Variants in PAQR5 observed in about 807,000 individuals in gnomAD.
PAQR5 encodes progestin and adipoQ receptor family member 5, also known as membrane progestin receptor gamma.
Under a neutral mutation model 34.5 loss-of-function variants are expected in PAQR5, and 20 were observed. That is an observed-to-expected ratio of 0.58 (90% confidence interval 0.41 to 0.84). The LOEUF is 0.84. PAQR5 is among the 40% of genes least tolerant of loss of function. The pLI, the probability that PAQR5 is intolerant of heterozygous loss-of-function variation, is 0.00. For missense variants in PAQR5, 378 were observed against 412.7 expected, an observed-to-expected ratio of 0.92 and a Z score of 0.73; for synonymous variants, 131 against 155.6, an observed-to-expected ratio of 0.84 and a Z score of 1.18.
intron 3 of PAQR5, among the ~76,000 whole-genome samples, chr15:69,364,552 AT>A (rs1159980243): frequency 6.7e-6 from 1 of 148,416 alleles, no homozygotes; most frequent in African/African-American, 2.5e-5. Flanking sequence ...TGTTATATAT[AT>A]ATAACGAGTT....
chr15:69,402,794 G>A (rs2056674820), intron 8 of PAQR5, among the ~76,000 whole-genome samples: 1 of 152,206 alleles, frequency 6.6e-6, no homozygotes, highest in Non-Finnish European at 1.5e-5. Context: ...ACATGTGGTC[G>A]CCTCCTTACT....
chr15:69,335,991 G>C lies in PAQR5; in HGVS notation c.-276-1350G>C, dbSNP rs1595867965. Among the ~76,000 whole-genome samples the C allele has an allele frequency of 2.6e-5, 4 of 152,286 alleles. No homozygotes were observed. In the South Asian group the frequency reaches 8.3e-4, roughly 32 times the overall value. On this transcript the variant is annotated intron_variant, in intron 1 of 8. Coordinates refer to ENST00000395407, the MANE Select transcript of PAQR5 (RefSeq NM_017705.4). ...TTTTTATGTAATGTTAAAAGATAATGAAAGTGGTTTTGTTTTCTCCTTTGG... is the reference window on the plus strand; with the variant it reads ...TTTTTATGTAATGTTAAAAGATAATCAAAGTGGTTTTGTTTTCTCCTTTGG...
chr15:69,357,112 A>C (rs905245312), intron 2 of PAQR5, among the ~76,000 whole-genome samples: 4 of 150,888 alleles, frequency 2.7e-5, no homozygotes, highest in African/African-American at 7.3e-5. Context: ...CTTGCCAGCT[A>C]CTCCTTCGCC....
At chr15:69,315,569 C>T (rs2053927362) in intron 1 of PAQR5, among the ~76,000 whole-genome samples, 1 of 152,184 alleles carries the variant, frequency 6.6e-6, no homozygotes, top group Non-Finnish European at 1.5e-5. Context: ...CTTACCACAG[C>T]CAGCCCTGGG....
At chr15:69,350,235 G>A (rs73440954) in intron 2 of PAQR5, among the ~76,000 whole-genome samples, 12,130 of 152,242 alleles carry the variant, frequency 0.08, 1,144 homozygotes, top group African/African-American at 0.22. Flanking sequence ...CGTCTGTCTC[G>A]TGCAGATCTA....
In PAQR5 at chr15:69,322,778, AGAAGAAGACGAG is replaced by A. The variant is rs1167962601; in HGVS notation, c.-276-14554_-276-14543del. On this transcript the variant is annotated intron_variant, in intron 1 of 8. Coordinates refer to ENST00000395407, the MANE Select transcript of PAQR5 (RefSeq NM_017705.4). ...AAGAAGAAGAAGAAGAAGAGGGAGA[AGAAGAAGACGAG>A]GAAGAAGAAGAAGAGGAAGAGGAAG... Among the ~76,000 whole-genome samples the A allele has an allele frequency of 6.5e-5, 6 of 92,440 alleles. 2 individuals are homozygous for A. The highest frequency in any genetic ancestry group is 1.7e-4 in the African/African-American group (4 of 23,134). The allele number at this position is 92,440 out of a possible 152,430, so 60.6% of individuals were successfully genotyped here.
At chr15:69,310,631 G>A (rs1042749667) in intron 1 of PAQR5, among the ~76,000 whole-genome samples, 3 of 152,154 alleles carry the variant, frequency 2.0e-5, no homozygotes, top group Admixed American at 2.0e-4. Flanking sequence ...GAATCTTGAA[G>A]TATTGGAGAA....
At position 69,343,203 on chromosome 15, in the gene PAQR5, G is replaced by A. The variant is rs571759627; in HGVS notation, c.-116+5702G>A. ...TCTTTGCCTTTGTTTTGCATTACCC[G>A]ACTATGAGTTGAGTATTTTGTTTTC... On this transcript the variant is annotated intron_variant, in intron 2 of 8. Coordinates refer to ENST00000395407, the MANE Select transcript of PAQR5 (RefSeq NM_017705.4). Among the ~76,000 whole-genome samples the A allele has an allele frequency of 4.8e-4, 73 of 152,308 alleles. No homozygotes were observed. The South Asian group carries it at 0.012, about 25-fold the overall frequency.
intron 2 of PAQR5, among the ~76,000 whole-genome samples, chr15:69,345,251 A>G (rs2054739654): frequency 2.6e-5 from 4 of 152,226 alleles, no homozygotes. Context: ...GCCTAACTAC[A>G]TTAGTGAATT....
intron 1 of PAQR5, among the ~76,000 whole-genome samples, chr15:69,332,782 A>G (rs1399661592): frequency 4.7e-5 from 1 of 21,494 alleles, no homozygotes; most frequent in Non-Finnish European, 1.8e-4. Flanking sequence ...AATCTTGTAA[A>G]AAAAAAAAAA....
chr15:69,304,162 C>T (rs933173774), intron 1 of PAQR5, among the ~76,000 whole-genome samples: 1 of 152,184 alleles, frequency 6.6e-6, no homozygotes, highest in Non-Finnish European at 1.5e-5. Context: ...CCTACCCCCC[C>T]ATCCTTGTCC....
At chr15:69,394,349 G>C (rs940209674) in intron 6 of PAQR5, among the ~76,000 whole-genome samples, 10 of 152,062 alleles carry the variant, frequency 6.6e-5, no homozygotes, top group African/African-American at 2.2e-4. Context: ...ATAAAGTGCT[G>C]CTATAGCCAG....
At chr15:69,364,463 T>C (rs2055328677) in intron 3 of PAQR5, among the ~76,000 whole-genome samples, 2 of 147,912 alleles carry the variant, frequency 1.4e-5, no homozygotes, top group Non-Finnish European at 3.0e-5. Context: ...ATACATGTAA[T>C]ATATATTATA....
chr15:69,310,057 AC>A (rs1295923048), intron 1 of PAQR5, among the ~76,000 whole-genome samples: 8 of 90,646 alleles, frequency 8.8e-5, no homozygotes, highest in Non-Finnish European at 7.6e-5. Flanking sequence ...TAAAAAAAAA[AC>A]AAAAAAAACA....
In PAQR5 at chr15:69,380,021, GC is replaced by G. The variant is rs1363693689; in HGVS notation, c.179+16del. 6.2e-7 allele frequency: 1 copy of G among 1,613,710 alleles called. No homozygotes were observed. Among genetic ancestry groups the G allele is most frequent in the Middle Eastern group, 1.7e-4 (1 of 6,056 alleles). ...CTTGCTGCCCTTCTGGTACCTTCTG[GC>G]CCCCTCGACCGGCCTGTCTCCTTCA... On this transcript the variant is annotated intron_variant, in intron 4 of 8. Transcript: ENST00000395407.
intron 1 of PAQR5, among the ~76,000 whole-genome samples, chr15:69,335,765 G>C (rs751049371): frequency 6.6e-6 from 1 of 151,834 alleles, no homozygotes; most frequent in East Asian, 1.9e-4. Context: ...CTGTGTGTCC[G>C]AATAACAGGG....
chr15:69,371,329 A>T (rs1185118658), intron 3 of PAQR5, among the ~76,000 whole-genome samples: 1 of 152,118 alleles, frequency 6.6e-6, no homozygotes, highest in African/African-American at 2.4e-5. Flanking sequence ...AAAATTATAA[A>T]TTTTTCATAT....
intron 3 of PAQR5, among the ~76,000 whole-genome samples, chr15:69,375,921 G>A (rs1293971231): frequency 1.3e-5 from 2 of 152,186 alleles, no homozygotes; most frequent in African/African-American, 4.8e-5. Context: ...GTGGTTTGCA[G>A]TTTAATAGCT....
At chr15:69,373,853 C>T (rs967283853) in intron 3 of PAQR5, among the ~76,000 whole-genome samples, 1 of 152,148 alleles carries the variant, frequency 6.6e-6, no homozygotes, top group Non-Finnish European at 1.5e-5. Flanking sequence ...ATCTGCCCAC[C>T]TCAGTCTCCT....
Sources: gnomAD v4.1 joint callset for allele counts (sites outside exome capture counted in the v4.1 genomes callset) on GRCh38, gnomAD v4.1.1 for gene constraint, MANE v1.5 for transcripts, NCBI Gene and HGNC (gene_info 2026-07-23, HGNC 2026-07-21) for gene names.